The following MICAL1 variants were observed in gnomAD, a reference collection of about 807,000 sequenced individuals.
MICAL1 encodes microtubule associated monooxygenase, calponin and LIM domain containing 1, also known as [F-actin]-monooxygenase MICAL1.
Under a neutral mutation model 131.8 loss-of-function variants are expected in MICAL1, and 95 were observed. That is an observed-to-expected ratio of 0.72 (90% CI 0.61 to 0.86). The LOEUF (loss-of-function observed/expected upper bound fraction) is 0.86, where lower values mean the gene tolerates loss of function less well. Ranked by LOEUF, MICAL1 falls within the 40% of genes least tolerant of loss-of-function variation. The pLI, the probability that MICAL1 is intolerant of heterozygous loss-of-function variation, is 0.00. For missense variants in MICAL1, 1,292 were observed against 1,380.6 expected (o/e 0.94, Z 1.02); for synonymous variants, 546 against 554.2 (o/e 0.99, Z 0.21).
At position 109,447,391 on chromosome 6, in the gene MICAL1, C is replaced by A. The variant is rs190609453; in HGVS notation, c.2036G>T (p.Gly679Val). 59 of 1,613,450 alleles carry A rather than the reference C, an allele frequency of 3.7e-5. 1 individual carries two copies. In the East Asian group the frequency reaches 1.3e-3, roughly 35 times the overall value. The change falls in exon 16 of 25, where the codon GGT becomes GTT. Residue 679 changes from glycine (G) to valine (V), a missense_variant. Gly to Val is a moderately radical substitution (Grantham distance 109, BLOSUM62 -3). Transcript: ENST00000358807. ...TTGGGATGGGGGTGTCAGGGGTACA[C>A]CAGGCTCTGGGTCAGGTGGCACCTC... ...STEVPPDPEPGVPLTPPSQHQ... is the reference protein window; with the variant it reads ...STEVPPDPEPVVPLTPPSQHQ...
At chr6:109,445,019 G>A in intron 22 of MICAL1, 24 bp from the exon 23 acceptor site, 2 of 1,610,664 alleles carry the variant, frequency 1.2e-6, no homozygotes, top group Non-Finnish European at 1.7e-6. Context: ...AGATGGGTAG[G>A]GTGATCAGGA....
intron 1 of MICAL1, chr6:109,463,341 C>G (rs1176940558): frequency 1.3e-5 from 2 of 152,138 alleles, no homozygotes; most frequent in African/African-American, 4.8e-5. Flanking sequence ...AAGAAAGAGG[C>G]TAGATTAACA....
intron 4 of MICAL1, 23 bp from the exon 5 acceptor site, chr6:109,452,638 C>T: frequency 6.3e-7 from 1 of 1,593,934 alleles, no homozygotes; most frequent in East Asian, 2.2e-5. Context: ...GTATGAGAGG[C>T]ACAAAGGTGT....
intron 23 of MICAL1, 22 bp from the exon 24 acceptor site, chr6:109,444,820 G>C: frequency 6.2e-7 from 1 of 1,614,202 alleles, no homozygotes; most frequent in Non-Finnish European, 8.5e-7. Flanking sequence ...AGGGATTGTA[G>C]AAGCAGAGCT....
chr6:109,452,637 G>A, intron 4 of MICAL1, 22 bp from the exon 5 acceptor site: 1 of 1,592,354 alleles, frequency 6.3e-7, no homozygotes, highest in Non-Finnish European at 8.6e-7. Context: ...GGTATGAGAG[G>A]CACAAAGGTG....
rs1438518487 is a variant in MICAL1 at position 109,453,661 on chromosome 6, C to T, written c.443G>A (p.Cys148Tyr). The T allele has an allele frequency of 6.2e-7, 1 of 1,610,308 alleles. No homozygotes were observed. The highest frequency in any genetic ancestry group is 1.3e-5 in the African/African-American group (1 of 75,002). The change falls in exon 3 of 25, where the codon TGC (cysteine) becomes TAC (tyrosine). Residue 148 changes from cysteine to tyrosine, a missense_variant. Cys to Tyr is a radical substitution (Grantham distance 194). Coordinates refer to ENST00000358807, the MANE Select transcript of MICAL1 (RefSeq NM_022765.4). ...LGAKKFYGRF[C>Y]TGTLDHISIR... ...ACTGATGTGGTCCAGGGTGCCGGTG[C>T]AGAAGCGCCCGTAGAACTTCTTAGC... is the stretch of plus-strand genomic sequence containing the variant.
rs1775252866 is a variant in MICAL1 at position 109,446,972 on chromosome 6, C to T, written c.2227+101G>A. The stretch of plus-strand genomic sequence containing the variant: ...TGAGCTCAGGAGAACGAAGTGCCAT[C>T]TTGAGCCTGTTTCCATCCTGTGCCT... On this transcript the variant is annotated intron_variant, in intron 17 of 24. Coordinates refer to ENST00000358807, the MANE Select transcript of MICAL1 (RefSeq NM_022765.4). The T allele has an allele frequency of 6.9e-6, 10 of 1,452,724 alleles. No homozygotes were observed. The South Asian group carries it at 1.3e-4, about 19-fold the overall frequency. The allele number at this position is 1,452,724 out of a possible 1,614,324, so 90.0% of individuals were successfully genotyped here.
At chr6:109,452,100 G>C in intron 6 of MICAL1, 146 bp downstream of exon 6, 1 of 1,440,980 alleles carries the variant, frequency 6.9e-7, no homozygotes, top group Non-Finnish European at 9.1e-7. Flanking sequence ...TCCCTGAGGG[G>C]ACAGGTTCCT....
At chr6:109,460,733 CAAAG>C (rs1554227071), upstream of MICAL1, among the ~76,000 whole-genome samples, 5 of 152,056 alleles carry the variant, frequency 3.3e-5, no homozygotes, top group Non-Finnish European at 7.4e-5. Flanking sequence ...AAAAGCAAAA[CAAAG>C]AGTTTTCTTT....
chr6:109,456,027 C>T, upstream of MICAL1: 1 of 986,376 alleles, frequency 1.0e-6, no homozygotes, highest in Non-Finnish European at 1.2e-6. Flanking sequence ...GGGCGTGGCG[C>T]TGCGGACACC....
intron 19 of MICAL1, 24 bp from the exon 20 acceptor site, chr6:109,445,886 C>A (rs1298944330): frequency 1.9e-6 from 3 of 1,586,024 alleles, no homozygotes; most frequent in South Asian, 1.1e-5. Flanking sequence ...CTGAGACGTT[C>A]TACTGCCTCC....
chr6:109,457,244 G>C (rs976803184), upstream of MICAL1, among the ~76,000 whole-genome samples: 1 of 152,172 alleles, frequency 6.6e-6, no homozygotes, highest in East Asian at 1.9e-4. Flanking sequence ...CAGAAAACTA[G>C]GGCAGCCTCT....
Position 109,446,351 on chromosome 6 carries a change from T to G in MICAL1, c.2366A>C (p.Gln789Pro). The change falls in exon 19 of 25, where the codon CAG becomes CCG. Residue 789 changes from glutamine (Q) to proline (P), a missense_variant. Transcript: ENST00000358807. The stretch of plus-strand genomic sequence containing the variant: ...ATCTGGAACAGGACCGGCCCCCTCC[T>G]GCGAGGCTGTGGGAGTTGAGAGGCC... ...PPGLSTPTAS[Q>P]EGAGPVPDPS... The G allele has an allele frequency of 1.2e-6, 2 of 1,614,090 alleles. No individual in the cohort carries two copies. Among genetic ancestry groups the G allele is most frequent in the Non-Finnish European group, 1.7e-6 (2 of 1,180,008 alleles).
chr6:109,464,637 G>A (rs1411302663), intron 1 of MICAL1: 2 of 152,158 alleles, frequency 1.3e-5, no homozygotes, highest in African/African-American at 2.4e-5. Context: ...GAGGCTCAAA[G>A]TTTTAAGATT....
rs199854479 is a variant in MICAL1, at chr6:109,446,716, C to T, written c.2284G>A (p.Asp762Asn). ...TTTACCGGACTCTCAGGGCCTCTAT[C>T]GCTGCCTTCCGCTTTGTGGTCTGTC... ...PQTDHKAEGS[D>N]RGPESPELPT... Residue 762 changes from aspartate to asparagine, a missense_variant, in exon 18 of 25, where the codon GAT becomes AAT. Coordinates refer to ENST00000358807, the MANE Select transcript of MICAL1 (RefSeq NM_022765.4). 2.0e-5 allele frequency: 32 copies of T among 1,613,640 alleles called. No homozygotes were observed. Among genetic ancestry groups the T allele is most frequent in the Middle Eastern group, 1.6e-4 (1 of 6,082 alleles).
Position 109,449,487 on chromosome 6 carries a change from G to A in MICAL1, c.1435-6C>T. ...ACATCATACAGGTCTCGTACCTAAGGCAGCCCCGCTCAGGTCTCAAGGCAG... is the reference window on the plus strand; with the variant it reads ...ACATCATACAGGTCTCGTACCTAAGACAGCCCCGCTCAGGTCTCAAGGCAG... On this transcript the variant is annotated splice_polypyrimidine_tract_variant and splice_region_variant and intron_variant, in intron 10 of 24. Coordinates refer to ENST00000358807, the MANE Select transcript of MICAL1 (RefSeq NM_022765.4). The A allele has an allele frequency of 6.2e-7, 1 of 1,614,168 alleles. No homozygotes were observed. The highest frequency in any genetic ancestry group is 2.2e-5 in the East Asian group (1 of 44,878).
chr6:109,462,658 T>A (rs565969971), intron 1 of MICAL1: 2 of 152,308 alleles, frequency 1.3e-5, no homozygotes, highest in South Asian at 4.1e-4. Flanking sequence ...GAACCAACTG[T>A]AGAAAATACA....
At chr6:109,449,859 G>A (rs142173008) in intron 9 of MICAL1, 76 bp from the exon 10 acceptor site, 2 of 1,583,816 alleles carry the variant, frequency 1.3e-6, no homozygotes, top group Admixed American at 1.7e-5. Flanking sequence ...GGAACTGCCA[G>A]GCCTTTTCTT....
chr6:109,455,061 TGTGCGCCCGG>T lies in MICAL1; in HGVS notation c.-44+648_-44+657del, dbSNP rs1775691996. Reference sequence around the variant, plus strand: ...TCGACCCCTACCCCGCCCCGCCCCCTGTGCGCCCGGGCGCGCTCTCCCAGGAATCTCCGGA... The same window carrying T: ...TCGACCCCTACCCCGCCCCGCCCCCTGCGCGCTCTCCCAGGAATCTCCGGA... On this transcript the variant is annotated intron_variant, in intron 1 of 24. Transcript: ENST00000358807. The surrounding 1 kb of genome is among the most constrained non-coding windows in gnomAD (Gnocchi z 4.7). Among the ~76,000 whole-genome samples, 4 of 83,726 alleles carry T rather than the reference TGTGCGCCCGG, an allele frequency of 4.8e-5. No individual in the cohort carries two copies. In the South Asian group the frequency reaches 1.6e-3, roughly 33 times the overall value. 54.9% of individuals were successfully genotyped at this position (83,726 alleles called of 152,430 possible). A position where few individuals can be genotyped will look rare whatever the true frequency, so the allele number is the denominator to read the frequency against.
Sources: gnomAD v4.1 joint callset for allele counts (sites outside exome capture counted in the v4.1 genomes callset) on GRCh38, gnomAD v4.1.1 for gene constraint, Gnocchi (gnomAD v3.1) non-coding constraint, MANE v1.5 for transcripts, NCBI Gene and HGNC (gene_info 2026-07-23, HGNC 2026-07-21) for gene names.